BPIFC: variants seen among roughly 807,000 people sequenced by gnomAD.
The protein encoded by BPIFC is BPI fold-containing family C protein.
Under a neutral mutation model 57.6 loss-of-function variants are expected in BPIFC, and 60 were observed. The ratio of observed to expected loss-of-function variants is 1.04; its 90% confidence interval spans 0.85 to 1.29. The LOEUF is 1.29. Among genes scored for constraint, BPIFC ranks in the 50% most tolerant of loss-of-function variants. The pLI, the probability that BPIFC is intolerant of heterozygous loss-of-function variation, is 0.00. For synonymous variants in BPIFC, 243 were observed against 224.5 expected, an observed-to-expected ratio of 1.08 and a Z score of -0.74; for missense variants, 581 against 600.5, an observed-to-expected ratio of 0.97 and a Z score of 0.34.
At chr22:32,418,749 C>G (rs148892826) in intron 14 of BPIFC, among the ~76,000 whole-genome samples, 2 of 152,162 alleles carry the variant, frequency 1.3e-5, no homozygotes, top group Middle Eastern at 3.4e-3. Context: ...ATTCTGACAC[C>G]GAAACCCACT....
At position 32,431,280 on chromosome 22, in the gene BPIFC, C is replaced by G. The variant is rs938734793; in HGVS notation, c.1217+67G>C. On this transcript the variant is annotated intron_variant, in intron 13 of 16. Transcript: ENST00000300399. ...AGATCACTTGTTTTCTTAATGGTCA[C>G]TTTGTCTCTGATCAGTTGACTCACT... is the stretch of plus-strand genomic sequence containing the variant. The G allele has an allele frequency of 2.2e-6, 3 of 1,365,830 alleles. No individual in the cohort carries two copies. The East Asian group carries it at 6.9e-5, about 32-fold the overall frequency. The allele number at this position is 1,365,830 out of a possible 1,614,324, so 84.6% of individuals were successfully genotyped here.
chr22:32,436,340 AG>A (rs879527282), intron 9 of BPIFC, among the ~76,000 whole-genome samples: 16,446 of 119,284 alleles, frequency 0.14, 1,089 homozygotes, highest in Non-Finnish European at 0.2. Context: ...AGAAGAAAGA[AG>A]AGGAAGAGGA....
chr22:32,456,262 G>T (rs554276885), intron 3 of BPIFC, among the ~76,000 whole-genome samples: 2 of 152,130 alleles, frequency 1.3e-5, no homozygotes, highest in Non-Finnish European at 1.5e-5. Context: ...TTCCTGGTAC[G>T]TATTTCTACA....
chr22:32,453,949 A>C (rs1200876167), intron 3 of BPIFC, among the ~76,000 whole-genome samples: 1 of 152,156 alleles, frequency 6.6e-6, no homozygotes, highest in African/African-American at 2.4e-5. Flanking sequence ...CAACAAAAAA[A>C]AAAATTAAAA....
At chr22:32,460,836 G>A (rs1216974484) in intron 2 of BPIFC, among the ~76,000 whole-genome samples, 6 of 152,210 alleles carry the variant, frequency 3.9e-5, no homozygotes, top group Non-Finnish European at 7.3e-5. Flanking sequence ...GTGCCTGAAG[G>A]CAGAGACTGC....
chr22:32,451,372 C>A (rs1054360265), intron 4 of BPIFC, among the ~76,000 whole-genome samples: 4 of 152,172 alleles, frequency 2.6e-5, no homozygotes, highest in African/African-American at 7.2e-5. Context: ...GATTTATACT[C>A]CTTTGGGTAT....
chr22:32,456,092 C>T lies in BPIFC; in HGVS notation c.124+1171G>A, dbSNP rs1490492240. On this transcript the variant is annotated intron_variant, in intron 3 of 16. Coordinates refer to ENST00000300399, the MANE Select transcript of BPIFC (RefSeq NM_174932.3). Reference sequence around the variant, plus strand: ...CATTTACAGCCATGTGGATAGACTTCAGATCTGTTCTTTTAATGACTCTGC... The same window carrying T: ...CATTTACAGCCATGTGGATAGACTTTAGATCTGTTCTTTTAATGACTCTGC... 4.6e-5 allele frequency among the ~76,000 whole-genome samples: 7 copies of T among 152,354 alleles called. No individual in the cohort carries two copies. The East Asian group carries it at 1.4e-3, about 29-fold the overall frequency.
chr22:32,447,828 T>C (rs1484864118), intron 4 of BPIFC, among the ~76,000 whole-genome samples: 1 of 152,010 alleles, frequency 6.6e-6, no homozygotes, highest in East Asian at 1.9e-4. Flanking sequence ...AGACTGGTCT[T>C]GAACTCCTGG....
At chr22:32,442,404 G>A (rs1018334875) in intron 8 of BPIFC, among the ~76,000 whole-genome samples, 3 of 152,076 alleles carry the variant, frequency 2.0e-5, no homozygotes, top group African/African-American at 4.8e-5. Flanking sequence ...GCTTGGGTTC[G>A]TGCTCGTGAG....
intron 14 of BPIFC, 36 bp from the exon 15 acceptor site, chr22:32,417,184 T>C: frequency 7.4e-7 from 1 of 1,345,110 alleles, no homozygotes; most frequent in Non-Finnish European, 1.0e-6. Context: ...AATTGGCAGA[T>C]CGGGCTTTTT....
chr22:32,461,411 G>A (rs1341006636), intron 2 of BPIFC, among the ~76,000 whole-genome samples, 163 bp downstream of exon 2: 11 of 152,150 alleles, frequency 7.2e-5, no homozygotes, highest in Non-Finnish European at 1.3e-4. Context: ...GAGAGCTGAG[G>A]GGAAGGGATT....
At chr22:32,437,101 C>T (rs1452130932) in intron 9 of BPIFC, among the ~76,000 whole-genome samples, 2 of 152,174 alleles carry the variant, frequency 1.3e-5, no homozygotes, top group African/African-American at 2.4e-5. Context: ...GAAGTGCCAA[C>T]GTGTACCAGC....
chr22:32,431,286 C>T (rs1934233211), intron 13 of BPIFC, 61 bp downstream of exon 13: 3 of 1,399,800 alleles, frequency 2.1e-6, no homozygotes, highest in Non-Finnish European at 2.0e-6. Context: ...GTCACTTTGT[C>T]TCTGATCAGT....
intron 3 of BPIFC, among the ~76,000 whole-genome samples, chr22:32,454,163 G>A (rs983324634): frequency 6.6e-6 from 1 of 152,158 alleles, no homozygotes; most frequent in African/African-American, 2.4e-5. Context: ...AGGGGAGCCA[G>A]TGGTCAAATT....
chr22:32,424,829 T>C (rs1934019200), intron 13 of BPIFC, among the ~76,000 whole-genome samples: 1 of 148,924 alleles, frequency 6.7e-6, no homozygotes, highest in Non-Finnish European at 1.5e-5. Context: ...TCGCCCAGGC[T>C]AGAGTGCAGT....
chr22:32,455,843 G>A (rs949841674), intron 3 of BPIFC, among the ~76,000 whole-genome samples: 5 of 152,182 alleles, frequency 3.3e-5, no homozygotes, highest in African/African-American at 4.8e-5. Context: ...CAAAGAGGCC[G>A]GCCATGGTAG....
intron 8 of BPIFC, among the ~76,000 whole-genome samples, chr22:32,440,321 A>T (rs1934529458): frequency 6.6e-6 from 1 of 151,838 alleles, no homozygotes; most frequent in African/African-American, 2.4e-5. Flanking sequence ...AATTTTTTTT[A>T]TATAGAAACA....
rs752762902 is a variant in BPIFC, at chr22:32,437,866, A to G, written c.656-15T>C. ...CTTGGTTAAAACTAAATAACCAACA[A>G]AGAAAAAAGAAAATCCATATTCATT... On this transcript the variant is annotated splice_polypyrimidine_tract_variant and intron_variant, in intron 8 of 16. Transcript: ENST00000300399. The G allele has an allele frequency of 6.7e-7, 1 of 1,494,102 alleles. No individual in the cohort carries two copies. The allele number at this position is 1,494,102 out of a possible 1,614,324, so 92.6% of individuals were successfully genotyped here.
At chr22:32,436,390 AGG>A (rs1934400384) in intron 9 of BPIFC, among the ~76,000 whole-genome samples, 1 of 145,914 alleles carries the variant, frequency 6.9e-6, no homozygotes, top group Non-Finnish European at 1.5e-5. Context: ...GAGGAGGAGG[AGG>A]AAGAGGAGGA....
Sources: gnomAD v4.1 joint callset for allele counts (sites outside exome capture counted in the v4.1 genomes callset) on GRCh38, gnomAD v4.1.1 for gene constraint, MANE v1.5 for transcripts, NCBI Gene and HGNC (gene_info 2026-07-23, HGNC 2026-07-21) for gene names.